Variants in CACNA1C observed in about 807,000 individuals in gnomAD.
CACNA1C encodes voltage-dependent L-type calcium channel subunit alpha-1C.
Under a neutral mutation model 229.0 loss-of-function variants are expected in CACNA1C, and 30 were observed. That is an observed-to-expected ratio of 0.13 (90% CI 0.10 to 0.18). The LOEUF is 0.18. Ranked by LOEUF, CACNA1C falls within the 10% of genes least tolerant of loss-of-function variation. CACNA1C has a pLI of 1.00. For missense variants in CACNA1C, 1,658 were observed against 2,845.0 expected, an observed-to-expected ratio of 0.58 and a Z score of 9.49; for synonymous variants, 1,114 against 1,132.5, an observed-to-expected ratio of 0.98 and a Z score of 0.33.
intron 3 of CACNA1C, among the ~76,000 whole-genome samples, chr12:2,198,524 G>A (rs1164393009): frequency 6.6e-6 from 1 of 152,234 alleles, no homozygotes; most frequent in East Asian, 1.9e-4. Flanking sequence ...TTGATGAGCT[G>A]CTTCTCCACA....
intron 3 of CACNA1C, among the ~76,000 whole-genome samples, chr12:2,381,620 G>C (rs1376657023): frequency 6.6e-6 from 1 of 152,132 alleles, no homozygotes; most frequent in African/African-American, 2.4e-5. Context: ...CCAGGACACT[G>C]TAGCAATCCT....
intron 1 of CACNA1C, among the ~76,000 whole-genome samples, chr12:2,057,803 T>A (rs1441723331): frequency 6.6e-6 from 1 of 152,174 alleles, no homozygotes; most frequent in Non-Finnish European, 1.5e-5. Context: ...ACTGATGGTT[T>A]AGTAACCAGA....
chr12:1,996,646 AAAAAAAAAACAAC>A (rs1258161421), intron 1 of CACNA1C, among the ~76,000 whole-genome samples: 783 of 57,178 alleles, frequency 0.014, 39 homozygotes, highest in African/African-American at 0.044. Context: ...AAAAAAAAAA[AAAAAAAAAACAAC>A]AAACTCTTCT....
chr12:2,442,621 G>A (rs1424695820), intron 3 of CACNA1C, among the ~76,000 whole-genome samples: 1 of 152,198 alleles, frequency 6.6e-6, no homozygotes, highest in Admixed American at 6.5e-5. Context: ...GTGCTATAAA[G>A]AACTGCCTGA....
chr12:2,575,851 A>G lies in CACNA1C; in HGVS notation c.1896-5739A>G, dbSNP rs1475389236. ...AAAGGACCTGGCCCTGAGCTCTTTG[A>G]AGCAAAAGGTTCATGAGATGAAAGT... On this transcript the variant is annotated intron_variant, in intron 13 of 46. Coordinates refer to ENST00000399655, the MANE Select transcript of CACNA1C (RefSeq NM_000719.7). This position sits in a 1 kb window ranked among gnomAD's most constrained non-coding sequence, Gnocchi z 4.0. 1.3e-5 allele frequency among the ~76,000 whole-genome samples: 2 copies of G among 152,204 alleles called. No homozygotes were observed. The highest frequency in any genetic ancestry group is 4.8e-5 in the African/African-American group (2 of 41,452).
rs146324543 is a variant in CACNA1C at position 2,272,513 on chromosome 12, C to G, written c.477+152083C>G. On this transcript the variant is annotated intron_variant, in intron 3 of 46. Transcript: ENST00000399655. ...AAGCCAGACAGCAGATATTCCAAAA[C>G]TGAAAACCTGTGGATTTGCCTGTAA... 5.9e-5 allele frequency among the ~76,000 whole-genome samples: 9 copies of G among 152,328 alleles called. No individual in the cohort carries two copies. The East Asian group carries it at 1.7e-3, about 29-fold the overall frequency.
intron 6 of CACNA1C, among the ~76,000 whole-genome samples, chr12:2,490,382 T>C (rs2099716674): frequency 6.6e-6 from 1 of 152,240 alleles, no homozygotes. Flanking sequence ...GTGGTCCCAA[T>C]GTAAAGATTA....
chr12:2,206,304 G>A (rs2097757705), intron 3 of CACNA1C, among the ~76,000 whole-genome samples: 1 of 152,182 alleles, frequency 6.6e-6, no homozygotes, highest in African/African-American at 2.4e-5. Flanking sequence ...GTGCAGAGTA[G>A]TATTTTAAAA....
intron 3 of CACNA1C, among the ~76,000 whole-genome samples, chr12:2,246,207 G>C (rs1443063714): frequency 1.3e-5 from 2 of 152,234 alleles, no homozygotes; most frequent in Non-Finnish European, 2.9e-5. Flanking sequence ...AGTGCCCACA[G>C]TCAGTGCTGT....
chr12:2,642,134 T>C (rs2093782427), intron 30 of CACNA1C, among the ~76,000 whole-genome samples: 1 of 152,158 alleles, frequency 6.6e-6, no homozygotes, highest in Admixed American at 6.5e-5. Flanking sequence ...AACCTGTTTT[T>C]TTATAGGCAT....
intron 3 of CACNA1C, among the ~76,000 whole-genome samples, chr12:2,439,852 G>GTGGTT (rs2099200998): frequency 6.6e-6 from 1 of 151,948 alleles, no homozygotes; most frequent in African/African-American, 2.4e-5. Flanking sequence ...TAGGCTATTA[G>GTGGTT]TGGTTTTCCC....
intron 9 of CACNA1C, among the ~76,000 whole-genome samples, chr12:2,513,318 G>C (rs79195534): frequency 1.3e-5 from 2 of 152,226 alleles, no homozygotes; most frequent in African/African-American, 4.8e-5. Flanking sequence ...CAGGCTTCCC[G>C]TTTGAAAGCG....
At chr12:2,592,203 G>T (rs992888704) in intron 18 of CACNA1C, among the ~76,000 whole-genome samples, 4 of 152,194 alleles carry the variant, frequency 2.6e-5, no homozygotes, top group African/African-American at 9.7e-5. Context: ...GACTGAGAAA[G>T]ATGTTGAGCA....
At chr12:2,478,860 G>T (rs1314032266) in intron 5 of CACNA1C, among the ~76,000 whole-genome samples, 2 of 152,164 alleles carry the variant, frequency 1.3e-5, no homozygotes, top group Non-Finnish European at 2.9e-5. Flanking sequence ...GTAGGTGCTT[G>T]GAAGATGCAC....
At chr12:2,547,814 A>G (rs964743411) in intron 9 of CACNA1C, among the ~76,000 whole-genome samples, 1 of 152,194 alleles carries the variant, frequency 6.6e-6, no homozygotes, top group African/African-American at 2.4e-5. Flanking sequence ...TAGAGTAAGC[A>G]CACTGTGAAT....
chr12:2,067,920 C>T lies in CACNA1C; in HGVS notation c.49+14309C>T, dbSNP rs116899876. On this transcript the variant is annotated intron_variant, in intron 1 of 46. Transcript: ENST00000399655. This position sits in a 1 kb window ranked among gnomAD's most constrained non-coding sequence, Gnocchi z 5.3. ...CTATGATATTGGCTCTCTGGAGAAC[C>T]GGTTAGCCTTTGTGGAGTGTTAAGC... Among the ~76,000 whole-genome samples, 6 of 152,116 alleles carry T rather than the reference C, an allele frequency of 3.9e-5. No homozygotes were observed. The highest frequency in any genetic ancestry group is 9.7e-5 in the African/African-American group (4 of 41,406).
chr12:2,677,979 GGGCTACTTCCA>G lies in CACNA1C; in HGVS notation c.5091+117_5091+127del. ...GGGGAAGGAGCTGCACCAGAGGAAA[GGGCTACTTCCA>G]GGCTCTTCCTGATGAGCTGTCTCCT... On this transcript the variant is annotated intron_variant, in intron 41 of 46. Coordinates refer to ENST00000399655, the MANE Select transcript of CACNA1C (RefSeq NM_000719.7). This position sits in a 1 kb window ranked among gnomAD's most constrained non-coding sequence, Gnocchi z 7.4. 7.9e-7 allele frequency: 1 copy of G among 1,268,598 alleles called. No homozygotes were observed. The highest frequency in any genetic ancestry group is 1.3e-5 in the South Asian group (1 of 75,230). The allele number at this position is 1,268,598 out of a possible 1,614,324, so 78.6% of individuals were successfully genotyped here. A position where few individuals can be genotyped will look rare whatever the true frequency, so the allele number is the denominator to read the frequency against.
chr12:2,390,267 G>A (rs933059204), intron 3 of CACNA1C, among the ~76,000 whole-genome samples: 1 of 152,122 alleles, frequency 6.6e-6, no homozygotes, highest in Non-Finnish European at 1.5e-5. Context: ...TATGATCTTT[G>A]GGAACACCAG....
intron 11 of CACNA1C, among the ~76,000 whole-genome samples, chr12:2,557,968 A>G (rs1374617617): frequency 1.3e-5 from 2 of 152,238 alleles, no homozygotes; most frequent in African/African-American, 4.8e-5. Context: ...CAAAGCTTGT[A>G]TGTGCCAAAA....
Sources: gnomAD v4.1 joint callset for allele counts (sites outside exome capture counted in the v4.1 genomes callset) on GRCh38, gnomAD v4.1.1 for gene constraint, Gnocchi (gnomAD v3.1) non-coding constraint, MANE v1.5 for transcripts, NCBI Gene and HGNC (gene_info 2026-07-23, HGNC 2026-07-21) for gene names.